The following TRERF1 variants were observed in gnomAD, a reference collection of about 807,000 sequenced individuals.
The protein encoded by TRERF1 is transcriptional regulating factor 1, also known as transcriptional-regulating factor 1.
In TRERF1, 27 loss-of-function variants were observed where a neutral mutation model predicts 122.9. That is an observed-to-expected ratio of 0.22 (90% CI 0.16 to 0.30). The LOEUF (loss-of-function observed/expected upper bound fraction) is 0.30. TRERF1 is among the 10% of genes least tolerant of loss of function. The pLI, the probability that TRERF1 is intolerant of heterozygous loss-of-function variation, is 1.00. For synonymous variants in TRERF1, 636 were observed against 641.7 expected (o/e 0.99, Z 0.13); for missense variants, 1,248 against 1,560.3 (o/e 0.80, Z 3.37).
Position 42,259,516 on chromosome 6 carries a change from G to C in TRERF1, c.2092C>G (p.Leu698Val). The C allele has an allele frequency of 6.2e-7, 1 of 1,612,964 alleles. No individual in the cohort carries two copies. The highest frequency in any genetic ancestry group is 8.5e-7 in the Non-Finnish European group (1 of 1,179,760). Residue 698 changes from leucine to valine, a missense_variant, in exon 9 of 18, where the codon CTC becomes GTC. Transcript: ENST00000372922. This position sits in a 1 kb window ranked among gnomAD's most constrained non-coding sequence, Gnocchi z 4.9. ...GGCAGCTCGTGGGTGGGGTCCAGGAGCAGGTGGTCCCCGAGGACGCGCGGG... is the reference window on the plus strand; with the variant it reads ...GGCAGCTCGTGGGTGGGGTCCAGGACCAGGTGGTCCCCGAGGACGCGCGGG...
intron 14 of TRERF1, among the ~76,000 whole-genome samples, chr6:42,244,101 G>A (rs534865729): frequency 5.3e-5 from 8 of 151,798 alleles, no homozygotes; most frequent in Non-Finnish European, 1.2e-4. Context: ...GGCTAGTCTC[G>A]AACTCCTGAC....
chr6:42,386,647 G>T lies in TRERF1; in HGVS notation c.-453-23568C>A, dbSNP rs111461397. Among the ~76,000 whole-genome samples the T allele has an allele frequency of 2.9e-3, 437 of 152,288 alleles. 1 individual carries two copies. Among genetic ancestry groups the T allele is most frequent in the Non-Finnish European group, 4.6e-3 (312 of 68,018 alleles). On this transcript the variant is annotated intron_variant, in intron 2 of 17. Transcript: ENST00000372922. ...AAGACATGATGGAGAAATGTTAGAAGGAAAAGGTGGAAACACCTCTAAGCT... is the reference window on the plus strand; with the variant it reads ...AAGACATGATGGAGAAATGTTAGAATGAAAAGGTGGAAACACCTCTAAGCT...
intron 4 of TRERF1, among the ~76,000 whole-genome samples, chr6:42,286,721 G>C (rs1783293459): frequency 8.6e-6 from 1 of 116,282 alleles, no homozygotes; most frequent in African/African-American, 3.4e-5. Flanking sequence ...AACCATTGTG[G>C]AAGTCAGTGT....
chr6:42,285,824 C>T (rs949523767), intron 4 of TRERF1, among the ~76,000 whole-genome samples: 17 of 151,402 alleles, frequency 1.1e-4, no homozygotes, highest in Admixed American at 2.6e-4. Flanking sequence ...AAAAAGAGCC[C>T]GCATCGCCAA....
At chr6:42,362,437 A>G (rs1276855050) in intron 3 of TRERF1, among the ~76,000 whole-genome samples, 1 of 152,272 alleles carries the variant, frequency 6.6e-6, no homozygotes, top group African/African-American at 2.4e-5. Context: ...ATAAAAGCTT[A>G]AAATTCTATT....
In TRERF1 at chr6:42,228,522, C is replaced by T. The variant is rs148711054; in HGVS notation, c.3426G>A (p.Pro1142=). 504 of 1,614,160 alleles carry T rather than the reference C, an allele frequency of 3.1e-4. 1 individual carries two copies. The highest frequency in any genetic ancestry group is 1.7e-3 in the Middle Eastern group (10 of 6,060). ...TCAGCTGGTCCAGGGGCAGCAGCCC[C>T]GGCGCCCCCACGGGCCCCGTAGTCC... The change falls in exon 18 of 18, where the codon CCG becomes CCA. Residue 1142 remains proline, a synonymous_variant. Coordinates refer to ENST00000372922, the Ensembl canonical transcript of TRERF1. The surrounding 1 kb of genome is among the most constrained non-coding windows in gnomAD (Gnocchi z 4.2).
At chr6:42,258,881 C>G (rs1197494290) in intron 9 of TRERF1, among the ~76,000 whole-genome samples, 1 of 152,116 alleles carries the variant, frequency 6.6e-6, no homozygotes, top group South Asian at 2.1e-4. Flanking sequence ...ATTACAGGTG[C>G]GTGCCACCAT....
chr6:42,245,425 G>A (rs55851406), intron 14 of TRERF1, among the ~76,000 whole-genome samples: 11,338 of 152,270 alleles, frequency 0.074, 475 homozygotes, highest in Middle Eastern at 0.11. Flanking sequence ...CACCTCCGAG[G>A]ACCATCTGTC....
intron 3 of TRERF1, among the ~76,000 whole-genome samples, chr6:42,323,651 G>C (rs1457165887): frequency 1.3e-5 from 2 of 150,726 alleles, no homozygotes. Flanking sequence ...CAGGGTACAA[G>C]GTAGCATGAT....
At chr6:42,301,587 T>C (rs547694684) in intron 3 of TRERF1, among the ~76,000 whole-genome samples, 1 of 152,308 alleles carries the variant, frequency 6.6e-6, no homozygotes, top group East Asian at 1.9e-4. Flanking sequence ...TAATAAAATA[T>C]AGTAAAAATG....
intron 3 of TRERF1, among the ~76,000 whole-genome samples, chr6:42,308,297 T>C (rs1787642442): frequency 2.0e-5 from 3 of 152,234 alleles, no homozygotes; most frequent in South Asian, 2.1e-4. Context: ...AAAAAGGAAA[T>C]AAACACTAAT....
At chr6:42,330,308 G>A (rs565720737) in intron 3 of TRERF1, among the ~76,000 whole-genome samples, 2 of 152,286 alleles carry the variant, frequency 1.3e-5, no homozygotes, top group African/African-American at 4.8e-5. Context: ...AGAATGTGGA[G>A]GAAACATGTA....
intron 2 of TRERF1, among the ~76,000 whole-genome samples, chr6:42,368,284 G>T (rs1773128037): frequency 6.6e-6 from 1 of 152,022 alleles, no homozygotes; most frequent in Non-Finnish European, 1.5e-5. Context: ...CCTCAGCAAG[G>T]ACAGGTCCCT....
At chr6:42,327,071 A>G (rs1042948844) in intron 3 of TRERF1, among the ~76,000 whole-genome samples, 1 of 152,202 alleles carries the variant, frequency 6.6e-6, no homozygotes, top group African/African-American at 2.4e-5. Flanking sequence ...ATGTTATACA[A>G]TGCCCACAAG....
At chr6:42,444,349 A>G (rs1002750768) in intron 2 of TRERF1, among the ~76,000 whole-genome samples, 2 of 152,166 alleles carry the variant, frequency 1.3e-5, no homozygotes, top group African/African-American at 4.8e-5. Context: ...CTTTTCTCCA[A>G]GCTAAAGAAT....
At chr6:42,284,505 A>G (rs531311750) in intron 4 of TRERF1, among the ~76,000 whole-genome samples, 3 of 152,360 alleles carry the variant, frequency 2.0e-5, no homozygotes, top group African/African-American at 7.2e-5. Context: ...GAGGTAGAAC[A>G]AGGTGACTCT....
intron 3 of TRERF1, among the ~76,000 whole-genome samples, chr6:42,309,827 C>T (rs988931483): frequency 2.6e-5 from 4 of 152,150 alleles, no homozygotes; most frequent in African/African-American, 9.7e-5. Flanking sequence ...CACTCTGTCA[C>T]CCAGGCTGGA....
intron 2 of TRERF1, among the ~76,000 whole-genome samples, chr6:42,376,028 G>C (rs1464318484): frequency 6.6e-6 from 1 of 152,110 alleles, no homozygotes; most frequent in Non-Finnish European, 1.5e-5. Flanking sequence ...AGGCGGTGTG[G>C]CTGGGTCTGG....
At chr6:42,433,855 CAA>C (rs1000414918) in intron 2 of TRERF1, among the ~76,000 whole-genome samples, 6 of 149,972 alleles carry the variant, frequency 4.0e-5, no homozygotes, top group Admixed American at 2.0e-4. Flanking sequence ...CCCATCTCTA[CAA>C]AAAAAAAATT....
Sources: allele counts gnomAD v4.1 joint callset (sites outside exome capture counted in the v4.1 genomes callset), GRCh38; gene constraint gnomAD v4.1.1; non-coding constraint Gnocchi (gnomAD v3.1); transcripts MANE v1.5; gene names NCBI Gene and HGNC (gene_info 2026-07-23, HGNC 2026-07-21).